Variants in ATP2B2 observed in about 807,000 individuals in gnomAD.
ATP2B2 encodes the protein ATPase plasma membrane Ca2+ transporting 2, also known as plasma membrane calcium-transporting ATPase 2.
ATP2B2 carries 15 observed loss-of-function variants against 120.0 expected under a neutral mutation model. That is an observed-to-expected ratio of 0.12 (90% CI 0.08 to 0.19). The LOEUF (loss-of-function observed/expected upper bound fraction) is 0.19, where lower values mean the gene tolerates loss of function less well. Among genes scored for constraint, ATP2B2 ranks in the 10% least tolerant of loss-of-function variants. ATP2B2 has a pLI of 1.00. For synonymous variants in ATP2B2, 694 were observed against 700.3 expected (o/e 0.99, Z 0.14); for missense variants, 1,045 against 1,719.8 (o/e 0.61, Z 6.94).
chr3:10,337,560 C>G (rs2060154141), intron 22 of ATP2B2, among the ~76,000 whole-genome samples: 1 of 152,164 alleles, frequency 6.6e-6, no homozygotes, highest in Non-Finnish European at 1.5e-5. Context: ...GCCATGCTCT[C>G]TCTGCTCTGG....
At chr3:10,531,223 C>A (rs760372593) in intron 3 of ATP2B2, among the ~76,000 whole-genome samples, 38 of 152,192 alleles carry the variant, frequency 2.5e-4, no homozygotes, top group Admixed American at 2.6e-4. Flanking sequence ...CGGGCTCAGC[C>A]CAGGCCTGCC....
At chr3:10,382,908 C>T (rs1020349070) in intron 8 of ATP2B2, among the ~76,000 whole-genome samples, 24 of 151,774 alleles carry the variant, frequency 1.6e-4, no homozygotes, top group African/African-American at 5.6e-4. Flanking sequence ...GGGGAAAGAA[C>T]ACTTAATTCT....
At chr3:10,593,188 G>A (rs1315358342) in intron 2 of ATP2B2, among the ~76,000 whole-genome samples, 1 of 152,232 alleles carries the variant, frequency 6.6e-6, no homozygotes, top group African/African-American at 2.4e-5. Flanking sequence ...GAAAATGAAA[G>A]GGAAGGTCAC....
chr3:10,603,648 C>T (rs957800023), intron 2 of ATP2B2, among the ~76,000 whole-genome samples: 3 of 152,080 alleles, frequency 2.0e-5, no homozygotes, highest in Non-Finnish European at 4.4e-5. Context: ...TGTGGGGCCC[C>T]GGTAACCCAG....
intron 1 of ATP2B2, among the ~76,000 whole-genome samples, chr3:10,645,192 G>T (rs777507006): frequency 6.6e-6 from 1 of 152,068 alleles, no homozygotes; most frequent in Non-Finnish European, 1.5e-5. Context: ...TAAAATACAT[G>T]GTTGTTCTCT....
At chr3:10,559,493 T>C (rs1021410781) in intron 2 of ATP2B2, among the ~76,000 whole-genome samples, 3 of 151,864 alleles carry the variant, frequency 2.0e-5, no homozygotes, top group Non-Finnish European at 4.4e-5. Context: ...CTGTACTCCA[T>C]AAATATGTAC....
upstream of ATP2B2, among the ~76,000 whole-genome samples, chr3:10,506,668 G>A (rs547696829): frequency 1.4e-4 from 22 of 152,164 alleles, no homozygotes; most frequent in African/African-American, 5.1e-4. Flanking sequence ...CTGCTTGGAG[G>A]GAGGGCACTG....
At chr3:10,673,165 G>A (rs547919521) in intron 1 of ATP2B2, among the ~76,000 whole-genome samples, 35 of 152,268 alleles carry the variant, frequency 2.3e-4, no homozygotes, top group Non-Finnish European at 4.3e-4. Flanking sequence ...CATCAGTTCC[G>A]TCACCATTGC....
At chr3:10,549,458 G>A (rs940468514) in intron 2 of ATP2B2, among the ~76,000 whole-genome samples, 4 of 152,024 alleles carry the variant, frequency 2.6e-5, no homozygotes, top group Non-Finnish European at 5.9e-5. Context: ...GAGCAAACAA[G>A]CTCATGCATA....
chr3:10,472,080 C>CA lies in ATP2B2; in HGVS notation c.-319-22219dup, dbSNP rs55895159. On this transcript the variant is annotated intron_variant, in intron 1 of 22. Coordinates refer to ENST00000360273, the MANE Select transcript of ATP2B2 (RefSeq NM_001001331.4). ...TGGGCCACAGAGCGAGACTCCGTCT[C>CA]AAAAAAAAAAAAAAAAAAAAAGAGA... 2.6e-3 allele frequency among the ~76,000 whole-genome samples: 242 copies of CA among 93,420 alleles called. 1 individual carries two copies. The highest frequency in any genetic ancestry group is 3.6e-3 in the Non-Finnish European group (157 of 43,540). The allele number at this position is 93,420 out of a possible 152,430, so 61.3% of individuals were successfully genotyped here. A position where few individuals can be genotyped will look rare whatever the true frequency, so the allele number is the denominator to read the frequency against.
chr3:10,684,425 G>T (rs1203715273), intron 1 of ATP2B2, among the ~76,000 whole-genome samples: 6 of 152,196 alleles, frequency 3.9e-5, no homozygotes, highest in Admixed American at 2.6e-4. Flanking sequence ...CTTGTACTTT[G>T]CAGTTATGTG....
chr3:10,543,828 T>G (rs542181210), intron 2 of ATP2B2, among the ~76,000 whole-genome samples: 33 of 151,356 alleles, frequency 2.2e-4, no homozygotes, highest in Non-Finnish European at 3.8e-4. Flanking sequence ...AACCTCCACC[T>G]CCTGGGTTCG....
In ATP2B2 at chr3:10,371,917, G is replaced by A. The variant is rs2289273; in HGVS notation, c.1551C>T (p.Gly517=). 222,720 of 1,614,012 alleles carry A rather than the reference G, an allele frequency of 0.14. 16,893 individuals carry two copies. Among genetic ancestry groups the A allele is most frequent in the East Asian group, 0.29 (13,219 of 44,876 alleles). ...CGGGGATCTCTTTATAGTGGACGTC[G>A]CCGACATAGGCCTGTACCACTGTCA... ...NRMTVVQAYV[G]DVHYKEIPDP... The change falls in exon 12 of 23, where the codon GGC becomes GGT. Residue 517 remains glycine (G), a synonymous_variant. Transcript: ENST00000360273.
At chr3:10,670,605 A>T (rs1322632405) in intron 1 of ATP2B2, among the ~76,000 whole-genome samples, 1 of 152,222 alleles carries the variant, frequency 6.6e-6, no homozygotes, top group Non-Finnish European at 1.5e-5. Flanking sequence ...TTTTTAGTAC[A>T]GATGGGGTTT....
intron 3 of ATP2B2, among the ~76,000 whole-genome samples, chr3:10,514,855 A>T (rs75605775): frequency 0.094 from 14,281 of 152,152 alleles, 727 homozygotes; most frequent in Middle Eastern, 0.14. Flanking sequence ...CACCTCTCTC[A>T]CTGCACATCC....
intron 2 of ATP2B2, among the ~76,000 whole-genome samples, chr3:10,587,694 A>G (rs1051358134): frequency 2.0e-5 from 3 of 152,076 alleles, no homozygotes; most frequent in Non-Finnish European, 2.9e-5. Context: ...TTAATTCTTC[A>G]TTGTCTTCTT....
chr3:10,467,635 C>T (rs935500041), intron 1 of ATP2B2, among the ~76,000 whole-genome samples: 6 of 152,124 alleles, frequency 3.9e-5, no homozygotes, highest in South Asian at 2.1e-4. Flanking sequence ...CCTCCTTCCA[C>T]GCTTATGTTT....
intron 1 of ATP2B2, among the ~76,000 whole-genome samples, chr3:10,472,183 A>ACAGAGACCGAAGC (rs56088508): frequency 0.25 from 37,752 of 151,912 alleles, 5,123 homozygotes; most frequent in East Asian, 0.55. Flanking sequence ...AAGCCAAGAC[A>ACAGAGACCGAAGC]CAGAGACCGA....
chr3:10,587,395 T>A (rs2068536417), intron 2 of ATP2B2, among the ~76,000 whole-genome samples: 2 of 151,292 alleles, frequency 1.3e-5, no homozygotes, highest in Non-Finnish European at 2.9e-5. Flanking sequence ...TATTTTTATT[T>A]ATTTATTTTT....
Sources: gnomAD v4.1 joint callset for allele counts (sites outside exome capture counted in the v4.1 genomes callset) on GRCh38, gnomAD v4.1.1 for gene constraint, MANE v1.5 for transcripts, NCBI Gene and HGNC (gene_info 2026-07-23, HGNC 2026-07-21) for gene names.